The following DNAH14 variants were observed in gnomAD, a reference collection of about 807,000 sequenced individuals.
DNAH14 encodes the protein dynein axonemal heavy chain 14, also known as axonemal beta dynein heavy chain 14.
Under a neutral mutation model 520.9 loss-of-function variants are expected in DNAH14, and 478 were observed. That is an observed-to-expected ratio of 0.92 (90% CI 0.85 to 0.99). The LOEUF is 0.99. Ranked by LOEUF, DNAH14 falls within the 50% of genes least tolerant of loss-of-function variation. The probability of loss-of-function intolerance (pLI) is 0.00; values close to 1 mark genes in which losing one functional copy is unlikely to be tolerated. For missense variants in DNAH14, 4,831 were observed against 5,234.5 expected, an observed-to-expected ratio of 0.92 and a Z score of 2.38; for synonymous variants, 1,581 against 1,757.2, an observed-to-expected ratio of 0.90 and a Z score of 2.51.
intron 11 of DNAH14, among the ~76,000 whole-genome samples, chr1:225,036,044 G>A (rs1175999416): frequency 6.6e-6 from 1 of 152,080 alleles, no homozygotes; most frequent in Non-Finnish European, 1.5e-5. Flanking sequence ...GTCAAGACAG[G>A]TTTATTTTAA....
In DNAH14 at chr1:225,335,876, T is replaced by TGTACATATATGTACATAC. The variant is rs1558438295; in HGVS notation, c.10081-1390_10081-1389insGTACATATATGTACATAC. ...ATGTACATATATGTACATACACATA[T>TGTACATATATGTACATAC]ACATATATGTACATATACATACATA... On this transcript the variant is annotated intron_variant, in intron 66 of 85. Transcript: ENST00000682510. Among the ~76,000 whole-genome samples, 4 of 20,062 alleles carry TGTACATATATGTACATAC rather than the reference T, an allele frequency of 2.0e-4. 1 individual carries two copies. The highest frequency in any genetic ancestry group is 3.8e-4 in the African/African-American group (1 of 2,662). The allele number at this position is 20,062 out of a possible 152,430, so 13.2% of individuals were successfully genotyped here.
chr1:225,216,695 G>A (rs4653617), intron 41 of DNAH14, among the ~76,000 whole-genome samples: 36,769 of 152,028 alleles, frequency 0.24, 5,411 homozygotes, highest in Non-Finnish European at 0.32. Flanking sequence ...ATTGGCTACT[G>A]AAGCTTGTGC....
Position 225,214,337 on chromosome 1 carries a change from G to A in DNAH14, c.6439+7117G>A, listed in dbSNP as rs569064258. Among the ~76,000 whole-genome samples the A allele has an allele frequency of 3.0e-3, 453 of 152,202 alleles. 2 individuals are homozygous for A. Among genetic ancestry groups the A allele is most frequent in the Non-Finnish European group, 4.5e-3 (308 of 68,006 alleles). On this transcript the variant is annotated intron_variant, in intron 41 of 85. Transcript: ENST00000682510. Reference sequence around the variant, plus strand: ...GTATTTTATTGAGGATTTTTGCATCGATGTTCATCAAGGATATTGGTCTAA... The same window carrying A: ...GTATTTTATTGAGGATTTTTGCATCAATGTTCATCAAGGATATTGGTCTAA...
intron 84 of DNAH14, among the ~76,000 whole-genome samples, chr1:225,394,886 G>A (rs946970042): frequency 6.6e-6 from 1 of 151,612 alleles, no homozygotes; most frequent in African/African-American, 2.4e-5. Flanking sequence ...TATGGCATGA[G>A]GTGAGATCAA....
chr1:225,054,852 GCTT>G (rs1431365937), intron 17 of DNAH14, among the ~76,000 whole-genome samples: 1 of 151,956 alleles, frequency 6.6e-6, no homozygotes, highest in African/African-American at 2.4e-5. Flanking sequence ...CCTTAAGTGT[GCTT>G]CTTATAAATA....
intron 21 of DNAH14, among the ~76,000 whole-genome samples, chr1:225,095,497 T>G (rs2074881617): frequency 6.6e-6 from 1 of 152,000 alleles, no homozygotes; most frequent in African/African-American, 2.4e-5. Flanking sequence ...GGGGCGTACT[T>G]GAAGGTGGAG....
chr1:225,201,217 A>G (rs989484718), intron 38 of DNAH14, among the ~76,000 whole-genome samples: 4 of 151,852 alleles, frequency 2.6e-5, no homozygotes, highest in South Asian at 4.2e-4. Flanking sequence ...TGAAGTTTCT[A>G]TTGTTTTTTA....
chr1:225,285,610 A>G (rs1433690047), intron 54 of DNAH14, among the ~76,000 whole-genome samples: 1 of 152,080 alleles, frequency 6.6e-6, no homozygotes, highest in Admixed American at 6.6e-5. Context: ...TAATCCCAGC[A>G]CTTTGGGAGG....
chr1:225,247,393 TA>T (rs1020347029), intron 43 of DNAH14, among the ~76,000 whole-genome samples: 7 of 151,354 alleles, frequency 4.6e-5, no homozygotes, highest in African/African-American at 1.5e-4. Flanking sequence ...TAAAGAATAA[TA>T]AAAAAAATAA....
chr1:225,368,063 A>G lies in DNAH14; in HGVS notation c.12318+31A>G, dbSNP rs1450932431. 6 of 1,476,342 alleles carry G rather than the reference A, an allele frequency of 4.1e-6. No individual in the cohort carries two copies. The African/African-American group carries it at 7.1e-5, about 17-fold the overall frequency. The allele number at this position is 1,476,342 out of a possible 1,614,324, so 91.5% of individuals were successfully genotyped here. ...TGTAGTCTCTTCAAACAAACAACAA[A>G]TAAGTAACAATAAGATACAAATTGA... On this transcript the variant is annotated intron_variant, in intron 77 of 85. Coordinates refer to ENST00000682510, the MANE Select transcript of DNAH14 (RefSeq NM_001367479.1).
At position 225,337,252 on chromosome 1, in the gene DNAH14, T is replaced by C. The variant is rs1427346637; in HGVS notation, c.10081-14T>C. On this transcript the variant is annotated splice_polypyrimidine_tract_variant and intron_variant, in intron 66 of 85. Coordinates refer to ENST00000682510, the MANE Select transcript of DNAH14 (RefSeq NM_001367479.1). ...ATTTACAAAATAGTGAAAGTACTAA[T>C]AATTTCATTGCAGATCAGCCGATGG... 1.9e-6 allele frequency: 3 copies of C among 1,545,276 alleles called. No individual in the cohort carries two copies. Among genetic ancestry groups the C allele is most frequent in the Non-Finnish European group, 2.6e-6 (3 of 1,141,142 alleles).
chr1:225,271,856 T>G (rs2093323978), intron 50 of DNAH14, 50 bp from the exon 51 acceptor site: 2 of 1,469,330 alleles, frequency 1.4e-6, no homozygotes, highest in Non-Finnish European at 1.8e-6. Context: ...CCAGAAGTAG[T>G]CTATACCTCA....
At chr1:224,969,530 C>T (rs2061381103) in intron 7 of DNAH14, 1 of 172,516 alleles carries the variant, frequency 5.8e-6, no homozygotes, top group Non-Finnish European at 1.2e-5. Flanking sequence ...ATTTACTACT[C>T]ATTAAATGGA....
chr1:225,141,083 T>C (rs1329256828), intron 28 of DNAH14, 62 bp downstream of exon 28: 2 of 1,409,024 alleles, frequency 1.4e-6, no homozygotes, highest in African/African-American at 1.4e-5. Context: ...TTTAGGTAAA[T>C]TGATTCTCTA....
At chr1:225,306,176 GCATT>G (rs1370105090) in intron 58 of DNAH14, among the ~76,000 whole-genome samples, 4 of 152,204 alleles carry the variant, frequency 2.6e-5, no homozygotes, top group Non-Finnish European at 5.9e-5. Flanking sequence ...CTCAATAGCA[GCATT>G]TTGCTAATGT....
intron 12 of DNAH14, among the ~76,000 whole-genome samples, chr1:225,041,968 A>AACCATC: frequency 6.6e-6 from 1 of 152,320 alleles, no homozygotes; most frequent in Admixed American, 6.5e-5. Flanking sequence ...AGTGTTAGGC[A>AACCATC]ACCATCACCA....
At position 225,303,155 on chromosome 1, in the gene DNAH14, G is replaced by A. The variant is rs1317168485; in HGVS notation, c.8632-1G>A. 24 of 1,460,014 alleles carry A rather than the reference G, an allele frequency of 1.6e-5. No homozygotes were observed. Among genetic ancestry groups the A allele is most frequent in the Non-Finnish European group, 1.9e-5 (21 of 1,098,014 alleles). 90.4% of individuals were successfully genotyped at this position (1,460,014 alleles called of 1,614,324 possible). ...CAATTTATATTTTCATTAATTTTCA[G>A]AGAATATATAAAAATCTTCATATTT... On this transcript the variant is annotated splice_acceptor_variant, in intron 56 of 85. Transcript: ENST00000682510. LOFTEE classifies it high-confidence loss of function.
At chr1:225,209,077 A>G (rs955917778) in intron 41 of DNAH14, among the ~76,000 whole-genome samples, 2 of 152,172 alleles carry the variant, frequency 1.3e-5, no homozygotes, top group Non-Finnish European at 2.9e-5. Flanking sequence ...ACATCTGGCC[A>G]TCTCTGGGTC....
chr1:225,380,113 C>T, intron 79 of DNAH14, 46 bp from the exon 80 acceptor site: 3 of 1,515,328 alleles, frequency 2.0e-6, no homozygotes, highest in Non-Finnish European at 2.7e-6. Context: ...CCCCATCTCC[C>T]CACTTCCTGT....
Sources: allele counts gnomAD v4.1 joint callset (sites outside exome capture counted in the v4.1 genomes callset), GRCh38; gene constraint gnomAD v4.1.1; transcripts MANE v1.5; gene names NCBI Gene and HGNC (gene_info 2026-07-23, HGNC 2026-07-21).